ASH2L: variants seen among roughly 807,000 people sequenced by gnomAD.
ASH2L encodes the protein set1/Ash2 histone methyltransferase complex subunit ASH2.
A neutral mutation model predicts 81.1 loss-of-function variants in ASH2L; 30 were observed. That is an observed-to-expected ratio of 0.37 (90% CI 0.28 to 0.50). The LOEUF is 0.50. ASH2L is among the 20% of genes least tolerant of loss of function. The pLI is 0.95. For missense variants in ASH2L, 559 were observed against 792.1 expected (o/e 0.71, Z 3.53); for synonymous variants, 273 against 279.9 (o/e 0.98, Z 0.24).
Position 38,127,168 on chromosome 8 carries a change from A to AG in ASH2L, c.1166-1123_1166-1122insG, listed in dbSNP as rs1801883603. Among the ~76,000 whole-genome samples the AG allele has an allele frequency of 3.3e-5, 5 of 150,476 alleles. No individual in the cohort carries two copies. In the Admixed American group the frequency reaches 3.3e-4, roughly 10 times the overall value. On this transcript the variant is annotated intron_variant, in intron 10 of 15. Coordinates refer to ENST00000343823, the MANE Select transcript of ASH2L (RefSeq NM_004674.5). ...CAGCATGAGACCTTATCTCAAGGAA[A>AG]AAAAAAAAAAACTAGTCAAGAGGCT...
intron 1 of ASH2L, 196 bp downstream of exon 1, chr8:38,105,934 C>A: frequency 1.3e-6 from 2 of 1,493,164 alleles, no homozygotes; most frequent in South Asian, 1.3e-5. Context: ...CTTTCACGGG[C>A]GGTGGGAGCT....
rs754237283 is a variant in ASH2L at position 38,121,069 on chromosome 8, G to C, written c.1085G>C (p.Cys362Ser). Residue 362 changes from cysteine to serine, a missense_variant, in exon 10 of 16, where the codon TGC (cysteine) becomes TCC (serine). Physicochemically the swap from Cys to Ser is moderately radical, Grantham distance 112. Around this residue, in one of 4 missense-constraint regions of ASH2L, gnomAD observed 318 missense variants for 527.0 expected, o/e 0.60. Coordinates refer to ENST00000343823, the MANE Select transcript of ASH2L (RefSeq NM_004674.5). Reference protein sequence around the residue: ...APDPEKLELDCWAGKPIPGDL... With the variant: ...APDPEKLELDSWAGKPIPGDL... ...GACCCCGAGAAGCTGGAACTTGACT[G>C]CTGGGCAGGAAAACCTATTCCTGGA... 3.1e-6 allele frequency: 5 copies of C among 1,613,566 alleles called. No homozygotes were observed. In the East Asian group the frequency reaches 1.1e-4, roughly 36 times the overall value.
In ASH2L at chr8:38,133,468, C is replaced by T. The variant is rs1563261894; in HGVS notation, c.1542C>T (p.Phe514=). 6.2e-7 allele frequency: 1 copy of T among 1,606,356 alleles called. No individual in the cohort carries two copies. The highest frequency in any genetic ancestry group is 8.5e-7 in the Non-Finnish European group (1 of 1,178,848). ...TGGTTTTCAAGGCTTTGATAAAATTCAAGAGTTATTTGTATTTTGAGGAAA... is the reference window on the plus strand; with the variant it reads ...TGGTTTTCAAGGCTTTGATAAAATTTAAGAGTTATTTGTATTTTGAGGAAA... ...DTYKDKALIK[F]KSYLYFEEKD... Residue 514 remains phenylalanine, a synonymous_variant, in exon 13 of 16, where the codon TTC becomes TTT. Coordinates refer to ENST00000343823, the MANE Select transcript of ASH2L (RefSeq NM_004674.5).
intron 10 of ASH2L, among the ~76,000 whole-genome samples, chr8:38,127,948 A>G (rs1308731182): frequency 6.6e-6 from 1 of 151,916 alleles, no homozygotes; most frequent in African/African-American, 2.4e-5. Flanking sequence ...CGGGAGGCTG[A>G]GGCAGGAAAA....
intron 13 of ASH2L, 105 bp from the exon 14 acceptor site, chr8:38,135,563 G>GCT: frequency 1.4e-6 from 1 of 734,196 alleles, no homozygotes; most frequent in Non-Finnish European, 2.3e-6. Flanking sequence ...TTGGGTGAGT[G>GCT]ACTAGCAGTC....
intron 8 of ASH2L, chr8:38,117,352 G>T (rs991827655): frequency 2.4e-5 from 15 of 620,790 alleles, no homozygotes; most frequent in Middle Eastern, 8.0e-4. Context: ...ATATTTTAAG[G>T]TGGGTTGGAA....
intron 3 of ASH2L, among the ~76,000 whole-genome samples, 167 bp downstream of exon 3, chr8:38,107,333 G>A (rs568740340): frequency 7.9e-4 from 120 of 152,240 alleles, no homozygotes; most frequent in African/African-American, 2.8e-3. Context: ...CCCTTAGCAT[G>A]TTATCTGCTT....
intron 14 of ASH2L, chr8:38,138,523 G>A (rs1441438451): frequency 3.0e-6 from 1 of 332,084 alleles, no homozygotes; most frequent in Non-Finnish European, 5.5e-6. Flanking sequence ...GCAGTTTCTT[G>A]CATGACTCAG....
At chr8:38,118,817 T>C (rs982809177) in intron 8 of ASH2L, among the ~76,000 whole-genome samples, 2 of 152,220 alleles carry the variant, frequency 1.3e-5, no homozygotes, top group African/African-American at 4.8e-5. Context: ...TATTGTGTAG[T>C]TCAAGCAAGT....
At chr8:38,106,955 A>C in intron 2 of ASH2L, 66 bp from the exon 3 acceptor site, 1 of 1,587,466 alleles carries the variant, frequency 6.3e-7, no homozygotes, top group Non-Finnish European at 8.6e-7. Context: ...CCGTCTCTTA[A>C]AAAAATAAAA....
chr8:38,114,880 A>G, intron 6 of ASH2L, 25 bp from the exon 7 acceptor site: 2 of 1,433,584 alleles, frequency 1.4e-6, no homozygotes, highest in Non-Finnish European at 2.0e-6. Context: ...ATGTTCATTA[A>G]TAGTAAAACA....
intron 3 of ASH2L, 93 bp from the exon 4 acceptor site, chr8:38,110,286 T>C (rs1310123271): frequency 1.5e-5 from 14 of 964,220 alleles, no homozygotes; most frequent in Non-Finnish European, 2.3e-5. Flanking sequence ...CACTCCAGCC[T>C]GAGTGGTAGA....
At chr8:38,119,235 T>A in intron 8 of ASH2L, 35 bp from the exon 9 acceptor site, 1 of 1,534,952 alleles carries the variant, frequency 6.5e-7, no homozygotes, top group Non-Finnish European at 8.8e-7. Flanking sequence ...GTTTCCCTTG[T>A]GGCTCATTGA....
chr8:38,106,514 T>C, intron 2 of ASH2L, 70 bp downstream of exon 2: 4 of 1,384,412 alleles, frequency 2.9e-6, no homozygotes, highest in Non-Finnish European at 4.0e-6. Flanking sequence ...TTCTTTTTTT[T>C]TTTTTTTTGT....
In ASH2L at chr8:38,139,059, A is replaced by G. The variant is rs1476231306; in HGVS notation, c.1875A>G (p.Pro625=). 1.9e-6 allele frequency: 3 copies of G among 1,593,374 alleles called. No individual in the cohort carries two copies. The highest frequency in any genetic ancestry group is 1.1e-5 in the South Asian group (1 of 89,098). ...ETEVDGRRSP[P]WEP The stretch of plus-strand genomic sequence containing the variant: ...AAGTGGATGGGAGGCGCAGTCCCCC[A>G]TGGGAACCCTGACCAGGTCCCTCTT... The change falls in exon 16 of 16, where the codon CCA becomes CCG. Residue 625 remains proline, a synonymous_variant. Transcript: ENST00000343823.
intron 10 of ASH2L, among the ~76,000 whole-genome samples, chr8:38,121,380 G>GT (rs1811144893): frequency 3.9e-5 from 3 of 76,528 alleles, no homozygotes; most frequent in Non-Finnish European, 5.3e-5. Context: ...TATATATATG[G>GT]TTTTTTAAAA....
At chr8:38,133,577 A>G (rs752527213) in intron 13 of ASH2L, 31 bp downstream of exon 13, 11 of 1,513,212 alleles carry the variant, frequency 7.3e-6, no homozygotes, top group Non-Finnish European at 8.1e-6. Context: ...CATTAGAATC[A>G]TAAGGCCTTG....
chr8:38,122,475 A>T (rs1413930194), intron 10 of ASH2L: 1 of 149,718 alleles, frequency 6.7e-6, no homozygotes, highest in African/African-American at 2.4e-5. Flanking sequence ...AGCGTTCCTT[A>T]TTTTTTTTTT....
Position 38,114,305 on chromosome 8 carries a change from G to C in ASH2L, c.681+18G>C. On this transcript the variant is annotated intron_variant, in intron 6 of 15. Transcript: ENST00000343823. ...AAACAATGGTAAGTAGATTAAAATT[G>C]ATTAGACTTGACATTTAAAAAACCA... 2 of 1,447,040 alleles carry C rather than the reference G, an allele frequency of 1.4e-6. No individual in the cohort carries two copies. The highest frequency in any genetic ancestry group is 1.9e-6 in the Non-Finnish European group (2 of 1,047,734). 89.6% of individuals were successfully genotyped at this position (1,447,040 alleles called of 1,614,324 possible).
Sources: allele counts gnomAD v4.1 joint callset (sites outside exome capture counted in the v4.1 genomes callset), GRCh38; gene constraint gnomAD v4.1.1; regional missense constraint gnomAD v4.1.1; transcripts MANE v1.5; gene names NCBI Gene and HGNC (gene_info 2026-07-23, HGNC 2026-07-21).